Variants in ARHGEF18 observed in about 807,000 individuals in gnomAD.
ARHGEF18 encodes the protein rho guanine nucleotide exchange factor 18.
A neutral mutation model predicts 155.7 loss-of-function variants in ARHGEF18; 93 were observed. The ratio of observed to expected loss-of-function variants is 0.60; its 90% CI spans 0.50 to 0.71. The LOEUF (loss-of-function observed/expected upper bound fraction) is 0.71, where lower values mean the gene tolerates loss of function less well. Among genes scored for constraint, ARHGEF18 ranks in the 30% least tolerant of loss-of-function variants. ARHGEF18 has a pLI of 0.00. For synonymous variants in ARHGEF18, 742 were observed against 753.1 expected, an observed-to-expected ratio of 0.99 and a Z score of 0.24; for missense variants, 1,593 against 1,816.1, an observed-to-expected ratio of 0.88 and a Z score of 2.23.
chr19:7,385,765 C>T (rs527798235), intron 10 of ARHGEF18, among the ~76,000 whole-genome samples: 1 of 151,586 alleles, frequency 6.6e-6, no homozygotes, highest in South Asian at 2.1e-4. Flanking sequence ...CGTGAGCCAC[C>T]GCGCCTGGCC....
At chr19:7,356,549 T>C (rs557425381) in intron 1 of ARHGEF18, among the ~76,000 whole-genome samples, 1 of 152,164 alleles carries the variant, frequency 6.6e-6, no homozygotes, top group South Asian at 2.1e-4. Context: ...GCTGGGATTA[T>C]AGGTGTGAGC....
intron 10 of ARHGEF18, among the ~76,000 whole-genome samples, chr19:7,399,182 T>C (rs1238316352): frequency 6.6e-6 from 1 of 152,182 alleles, no homozygotes; most frequent in Non-Finnish European, 1.5e-5. Context: ...AAACCCTCTC[T>C]CTAGGTGCAA....
chr19:7,366,844 C>T (rs1162686204), intron 2 of ARHGEF18, among the ~76,000 whole-genome samples: 1 of 152,036 alleles, frequency 6.6e-6, no homozygotes, highest in Non-Finnish European at 1.5e-5. Context: ...CTCACTGCAA[C>T]CTCTGCCTCC....
At chr19:7,385,870 T>TCTCTCTCTCTCTCTCTCTCTCCCTCTCC (rs1555704468) in intron 10 of ARHGEF18, among the ~76,000 whole-genome samples, 1 of 29,548 alleles carries the variant, frequency 3.4e-5, no homozygotes, top group African/African-American at 1.9e-4. Flanking sequence ...TCTCTCTCTC[T>TCTCTCTCTCTCTCTCTCTCTCCCTCTCC]CCCCCCTCCC....
chr19:7,425,298 A>G (rs548877620), intron 10 of ARHGEF18, among the ~76,000 whole-genome samples: 7 of 152,108 alleles, frequency 4.6e-5, no homozygotes, highest in African/African-American at 1.7e-4. Context: ...TTGGTCTTAC[A>G]CATTTAGAGA....
chr19:7,408,048 G>T (rs923876636), intron 10 of ARHGEF18, among the ~76,000 whole-genome samples: 2 of 151,596 alleles, frequency 1.3e-5, no homozygotes, highest in Non-Finnish European at 2.9e-5. Context: ...GGAGGCAGAG[G>T]TGGGCAGATC....
intron 10 of ARHGEF18, among the ~76,000 whole-genome samples, chr19:7,389,535 C>CT (rs1971278666): frequency 1.4e-5 from 2 of 139,938 alleles, no homozygotes; most frequent in African/African-American, 2.8e-5. Context: ...TTCTTATTTA[C>CT]TTATTTTTTT....
chr19:7,456,106 C>T (rs182726707), intron 17 of ARHGEF18, among the ~76,000 whole-genome samples: 47 of 152,242 alleles, frequency 3.1e-4, no homozygotes, highest in African/African-American at 9.1e-4. Flanking sequence ...GCTCTGGACA[C>T]GGAAGGGACT....
rs753387749 is a variant in ARHGEF18 at position 7,441,733 on chromosome 19, C to T, written c.1187C>T (p.Thr396Ile). The T allele has an allele frequency of 5.6e-6, 9 of 1,614,106 alleles. No individual in the cohort carries two copies. Among genetic ancestry groups the T allele is most frequent in the Non-Finnish European group, 7.6e-6 (9 of 1,180,048 alleles). The change falls in exon 12 of 29, where the codon ACA becomes ATA. Residue 396 changes from threonine to isoleucine, a missense_variant. Transcript: ENST00000668164. ...ACAGCTGATGACTCTCTGTCCCTTA[C>T]ATCTCCAAACACCGAGTCCATTTTT... ...KQTADDSLSL[T>I]SPNTESIFVE... is the part of the protein sequence containing the mutation.
chr19:7,359,627 A>G (rs890696356), intron 1 of ARHGEF18, among the ~76,000 whole-genome samples: 2 of 152,138 alleles, frequency 1.3e-5, no homozygotes, highest in Non-Finnish European at 2.9e-5. Context: ...GGTTCATTCT[A>G]TGATACAAGA....
intron 12 of ARHGEF18, 65 bp downstream of exon 12, chr19:7,441,830 G>A: frequency 6.2e-7 from 1 of 1,612,254 alleles, no homozygotes; most frequent in Non-Finnish European, 8.5e-7. Flanking sequence ...AAGAGCTGGG[G>A]CTCGTGTCAG....
At chr19:7,355,878 G>T (rs1969281652) in intron 1 of ARHGEF18, among the ~76,000 whole-genome samples, 1 of 152,172 alleles carries the variant, frequency 6.6e-6, no homozygotes, top group Admixed American at 6.5e-5. Flanking sequence ...TCACAGACTT[G>T]TGGGGTCCCT....
rs1039101692 is a variant in ARHGEF18 at position 7,398,653 on chromosome 19, T to C, written c.967+15450T>C. Among the ~76,000 whole-genome samples the C allele has an allele frequency of 1.2e-4, 18 of 149,966 alleles. No homozygotes were observed. In the Admixed American group the frequency reaches 1.2e-3, roughly 10 times the overall value. ...TTGCAGTGAGCCGAGATCACGCCAT[T>C]GCACTCCAGCCTGGGCAACAGAGCT... is the stretch of plus-strand genomic sequence containing the variant. On this transcript the variant is annotated intron_variant, in intron 10 of 28. Coordinates refer to ENST00000668164, the MANE Select transcript of ARHGEF18 (RefSeq NM_001367823.1).
chr19:7,469,733 T>C (rs973944650), intron 27 of ARHGEF18, among the ~76,000 whole-genome samples, 171 bp from the exon 28 acceptor site: 1 of 151,998 alleles, frequency 6.6e-6, no homozygotes, highest in African/African-American at 2.4e-5. Context: ...GTTGGGGCCG[T>C]TCTCCCTGAA....
intron 1 of ARHGEF18, 44 bp downstream of exon 1, chr19:7,349,285 GA>G: frequency 6.6e-6 from 1 of 152,616 alleles, no homozygotes. Context: ...GACCCATCGG[GA>G]CAGAGTGGCA....
intron 10 of ARHGEF18, among the ~76,000 whole-genome samples, chr19:7,386,489 CG>C (rs941150360): frequency 1.1e-4 from 17 of 151,958 alleles, no homozygotes; most frequent in Non-Finnish European, 2.5e-4. Flanking sequence ...GTGAGGACCA[CG>C]GCTCTCCCTC....
chr19:7,354,070 G>A (rs1471593644), intron 1 of ARHGEF18, among the ~76,000 whole-genome samples: 2 of 152,190 alleles, frequency 1.3e-5, no homozygotes, highest in Non-Finnish European at 2.9e-5. Context: ...CAAAACTTTG[G>A]AGGCTGAGCC....
At chr19:7,376,359 G>C (rs914482207) in intron 4 of ARHGEF18, among the ~76,000 whole-genome samples, 12 of 152,128 alleles carry the variant, frequency 7.9e-5, no homozygotes, top group African/African-American at 2.9e-4. Flanking sequence ...AAGGACCCTG[G>C]GGGAAATTCC....
chr19:7,467,776 T>G, intron 26 of ARHGEF18, 92 bp downstream of exon 26: 3 of 1,280,000 alleles, frequency 2.3e-6, no homozygotes, highest in Non-Finnish European at 3.1e-6. Context: ...GGTTCGCGGG[T>G]GCATGCGTGC....
Sources: gnomAD v4.1 joint callset for allele counts (sites outside exome capture counted in the v4.1 genomes callset) on GRCh38, gnomAD v4.1.1 for gene constraint, MANE v1.5 for transcripts, NCBI Gene and HGNC (gene_info 2026-07-23, HGNC 2026-07-21) for gene names.